RFX3: variants seen among roughly 807,000 people sequenced by gnomAD.
The protein encoded by RFX3 is transcription factor RFX3.
A neutral mutation model predicts 98.6 loss-of-function variants in RFX3; 14 were observed. The ratio of observed to expected loss-of-function variants is 0.14; its 90% CI spans 0.09 to 0.22. The LOEUF is 0.22. Ranked by LOEUF, RFX3 falls within the 10% of genes least tolerant of loss-of-function variation. RFX3 has a pLI of 1.00. For synonymous variants in RFX3, 383 were observed against 328.4 expected, an observed-to-expected ratio of 1.17 and a Z score of -1.80; for missense variants, 639 against 926.9, an observed-to-expected ratio of 0.69 and a Z score of 4.03.
chr9:3,483,935 C>T (rs774220461), intron 1 of RFX3, among the ~76,000 whole-genome samples: 7 of 152,156 alleles, frequency 4.6e-5, no homozygotes, highest in Admixed American at 6.6e-5. Flanking sequence ...CCACCCCCTA[C>T]TCTAAATCTA....
intron 4 of RFX3, 93 bp downstream of exon 4, chr9:3,330,166 C>G: frequency 7.7e-7 from 1 of 1,300,094 alleles, no homozygotes. Flanking sequence ...TTGCCCCAGT[C>G]CCATCTGTGT....
intron 15 of RFX3, 138 bp from the exon 16 acceptor site, chr9:3,229,027 G>T: frequency 3.4e-6 from 2 of 595,244 alleles, no homozygotes; most frequent in South Asian, 6.2e-5. Context: ...TAATTACATG[G>T]ATCACATAAT....
chr9:3,345,463 T>C (rs1374842760), intron 3 of RFX3, among the ~76,000 whole-genome samples: 1 of 152,100 alleles, frequency 6.6e-6, no homozygotes, highest in African/African-American at 2.4e-5. Context: ...GTGGGTAGAT[T>C]CAGTGACCAA....
rs1338538153 is a variant in RFX3 at position 3,505,067 on chromosome 9, T to C, written c.-9+20680A>G. Among the ~76,000 whole-genome samples the C allele has an allele frequency of 6.4e-5, 6 of 93,566 alleles. No homozygotes were observed. The East Asian group carries it at 2.0e-3, about 31-fold the overall frequency. The allele number at this position is 93,566 out of a possible 152,430, so 61.4% of individuals were successfully genotyped here. ...TTTATATTATATATAAAATATATAA[T>C]AAAATATAAAAATAAAATATTTTAT... On this transcript the variant is annotated intron_variant, in intron 1 of 16. Transcript: ENST00000617270.
chr9:3,334,091 T>C (rs1405633039), intron 3 of RFX3, among the ~76,000 whole-genome samples: 1 of 152,140 alleles, frequency 6.6e-6, no homozygotes, highest in African/African-American at 2.4e-5. Context: ...TCAACCATTA[T>C]GTCAAAAAAA....
intron 1 of RFX3, among the ~76,000 whole-genome samples, chr9:3,446,848 T>G (rs1289761144): frequency 6.6e-6 from 1 of 152,094 alleles, no homozygotes; most frequent in African/African-American, 2.4e-5. Flanking sequence ...GACACTGCTG[T>G]TTTATGTTAA....
At chr9:3,362,077 G>A (rs528862639) in intron 2 of RFX3, among the ~76,000 whole-genome samples, 2 of 152,262 alleles carry the variant, frequency 1.3e-5, no homozygotes, top group South Asian at 2.1e-4. Context: ...ATGAGCACAG[G>A]ATCACAGAGA....
chr9:3,403,834 G>A (rs531117173), intron 1 of RFX3, among the ~76,000 whole-genome samples: 36 of 152,228 alleles, frequency 2.4e-4, no homozygotes, highest in Non-Finnish European at 4.6e-4. Flanking sequence ...GCACCAAACA[G>A]AGTTTCCTTT....
At chr9:3,352,503 T>C (rs1056055407) in intron 2 of RFX3, among the ~76,000 whole-genome samples, 4 of 152,032 alleles carry the variant, frequency 2.6e-5, no homozygotes, top group Non-Finnish European at 4.4e-5. Flanking sequence ...AAATCATACT[T>C]AAGGTCTTAC....
intron 5 of RFX3, among the ~76,000 whole-genome samples, chr9:3,298,936 T>C (rs1828322021): frequency 6.6e-6 from 1 of 151,678 alleles, no homozygotes; most frequent in Admixed American, 6.6e-5. Context: ...ACAGGTAAAA[T>C]ACGGGATGCA....
At chr9:3,327,859 A>G (rs1227879646) in intron 4 of RFX3, among the ~76,000 whole-genome samples, 2 of 151,546 alleles carry the variant, frequency 1.3e-5, no homozygotes, top group Non-Finnish European at 2.9e-5. Context: ...TTTCATACAT[A>G]CATACCTACA....
At chr9:3,314,700 A>C (rs370230681) in intron 4 of RFX3, among the ~76,000 whole-genome samples, 56 of 142,938 alleles carry the variant, frequency 3.9e-4, no homozygotes, top group Non-Finnish European at 8.2e-4. Context: ...AATGGAAAAC[A>C]AAAAAAAAAG....
intron 1 of RFX3, among the ~76,000 whole-genome samples, chr9:3,504,946 TATAATA>T (rs1816741321): frequency 1.5e-5 from 1 of 64,860 alleles, no homozygotes; most frequent in South Asian, 4.3e-4. Flanking sequence ...ATATATATAA[TATAATA>T]TATATTATAT....
intron 15 of RFX3, among the ~76,000 whole-genome samples, chr9:3,240,542 T>C (rs1819772700): frequency 6.6e-6 from 1 of 152,204 alleles, no homozygotes; most frequent in Non-Finnish European, 1.5e-5. Context: ...CCCTTTGTAC[T>C]AAGAAAACCT....
At chr9:3,463,808 C>T (rs998168384) in intron 1 of RFX3, among the ~76,000 whole-genome samples, 2 of 151,690 alleles carry the variant, frequency 1.3e-5, no homozygotes, top group African/African-American at 4.8e-5. Context: ...CCAGTATCTA[C>T]AAAAAGTTAA....
At chr9:3,464,577 T>C (rs1285580872) in intron 1 of RFX3, among the ~76,000 whole-genome samples, 1 of 152,148 alleles carries the variant, frequency 6.6e-6, no homozygotes, top group Non-Finnish European at 1.5e-5. Context: ...TGTAGTACTA[T>C]AAAGTAGATC....
In RFX3 at chr9:3,271,495, CCCTT is replaced by C. The variant is rs368176659; in HGVS notation, c.1087-381_1087-378del. Among the ~76,000 whole-genome samples the C allele has an allele frequency of 1.0e-3, 146 of 146,340 alleles. No homozygotes were observed. The Middle Eastern group carries it at 0.011, about 11-fold the overall frequency. ...TTCTTTCCTTCCTTCCCTTCCCTTCCCCTTCCTTCCTTCCTTCCCTCCCTCCCTT... is the reference window on the plus strand; with the variant it reads ...TTCTTTCCTTCCTTCCCTTCCCTTCCCCTTCCTTCCTTCCCTCCCTCCCTT... On this transcript the variant is annotated intron_variant, in intron 9 of 16. Coordinates refer to ENST00000617270, the MANE Select transcript of RFX3 (RefSeq NM_001282116.2).
intron 1 of RFX3, among the ~76,000 whole-genome samples, chr9:3,493,534 A>G (rs1404624706): frequency 6.6e-6 from 1 of 150,974 alleles, no homozygotes; most frequent in African/African-American, 2.4e-5. Context: ...AATACAAAAA[A>G]TTTTCCGGGC....
At chr9:3,243,085 G>A (rs1334241889) in intron 15 of RFX3, among the ~76,000 whole-genome samples, 2 of 151,832 alleles carry the variant, frequency 1.3e-5, no homozygotes, top group African/African-American at 2.4e-5. Context: ...CATAACATTT[G>A]AATAAAAGGA....
Sources: gnomAD v4.1 joint callset for allele counts (sites outside exome capture counted in the v4.1 genomes callset) on GRCh38, gnomAD v4.1.1 for gene constraint, MANE v1.5 for transcripts, NCBI Gene and HGNC (gene_info 2026-07-23, HGNC 2026-07-21) for gene names.